SPATA13: variants seen among roughly 807,000 people sequenced by gnomAD.
The protein encoded by SPATA13 is spermatogenesis-associated protein 13.
In SPATA13, 50 loss-of-function variants were observed where a neutral mutation model predicts 104.0. That is an observed-to-expected ratio of 0.48 (90% CI 0.38 to 0.61). The LOEUF (loss-of-function observed/expected upper bound fraction) is 0.61. Ranked by LOEUF, SPATA13 falls within the 20% of genes least tolerant of loss-of-function variation. The pLI, the probability that SPATA13 is intolerant of heterozygous loss-of-function variation, is 0.00. For missense variants in SPATA13, 1,524 were observed against 1,690.6 expected (o/e 0.90, Z 1.73); for synonymous variants, 606 against 667.5 (o/e 0.91, Z 1.42).
At chr13:24,296,398 A>G (rs1371878723) in intron 10 of SPATA13, among the ~76,000 whole-genome samples, 1 of 152,260 alleles carries the variant, frequency 6.6e-6, no homozygotes, top group Non-Finnish European at 1.5e-5. Context: ...CAAATACCAT[A>G]AAGTAACATT....
chr13:24,281,517 C>T (rs1304277001), intron 4 of SPATA13, among the ~76,000 whole-genome samples: 4 of 152,224 alleles, frequency 2.6e-5, no homozygotes, highest in African/African-American at 9.6e-5. Flanking sequence ...GGCTGGGGCA[C>T]AGGTGCGGAC....
intron 1 of SPATA13, among the ~76,000 whole-genome samples, chr13:24,216,547 G>A (rs899922324): frequency 2.9e-4 from 44 of 152,270 alleles, no homozygotes; most frequent in Middle Eastern, 6.8e-3. Flanking sequence ...CTTAAGTGAC[G>A]CCAGAGCTAC....
chr13:24,255,877 C>A lies in SPATA13; in HGVS notation c.2164+4015C>A, dbSNP rs543117996. ...GCTGTAAAAGCATCATTTTGAGACACGTTGGGGAGATTTTCAGATGAACTG... is the reference window on the plus strand; with the variant it reads ...GCTGTAAAAGCATCATTTTGAGACAAGTTGGGGAGATTTTCAGATGAACTG... On this transcript the variant is annotated intron_variant, in intron 4 of 12. Transcript: ENST00000382108. Among the ~76,000 whole-genome samples the A allele has an allele frequency of 2.0e-5, 3 of 152,300 alleles. No homozygotes were observed. The South Asian group carries it at 6.2e-4, about 32-fold the overall frequency.
In SPATA13 at chr13:24,213,244, C is replaced by T. The variant is rs375533406; in HGVS notation, c.-111-9575C>T. ...GATGCCAGAGACACAGTACCCACTT[C>T]GGAACACTGCAAAGGGTCTTTTTTT... On this transcript the variant is annotated intron_variant, in intron 1 of 12. Transcript: ENST00000382108. Among the ~76,000 whole-genome samples, 6 of 152,166 alleles carry T rather than the reference C, an allele frequency of 3.9e-5. No individual in the cohort carries two copies. In the South Asian group the frequency reaches 8.3e-4, roughly 21 times the overall value.
At chr13:24,023,123 T>C (rs1877059946) in intron 3 of SPATA13, among the ~76,000 whole-genome samples, 2 of 152,080 alleles carry the variant, frequency 1.3e-5, no homozygotes, top group Admixed American at 6.5e-5. Flanking sequence ...CTGTGTGTTA[T>C]GTTCCCCAGC....
chr13:24,102,081 A>AT (rs1880274443), intron 3 of SPATA13, among the ~76,000 whole-genome samples: 1 of 152,140 alleles, frequency 6.6e-6, no homozygotes. Context: ...CAGCTGCACC[A>AT]TTTTACATTC....
intron 2 of SPATA13, among the ~76,000 whole-genome samples, chr13:24,239,822 G>C (rs1471067056): frequency 6.6e-6 from 1 of 150,596 alleles, no homozygotes; most frequent in Non-Finnish European, 1.5e-5. Context: ...AAAGAGGAAA[G>C]TAAGTTCATT....
At chr13:24,085,366 A>G (rs2137783567) in intron 3 of SPATA13, among the ~76,000 whole-genome samples, 1 of 152,264 alleles carries the variant, frequency 6.6e-6, no homozygotes, top group Middle Eastern at 3.4e-3. Context: ...ACTTCAGGTG[A>G]TCCGCCCACC....
chr13:24,125,443 G>T (rs2137829048), intron 3 of SPATA13, among the ~76,000 whole-genome samples: 1 of 152,236 alleles, frequency 6.6e-6, no homozygotes, highest in South Asian at 2.1e-4. Flanking sequence ...GGTATGTACT[G>T]CAGGTTTCTC....
chr13:24,230,773 A>G (rs1872219041), intron 2 of SPATA13, among the ~76,000 whole-genome samples: 2 of 152,058 alleles, frequency 1.3e-5, no homozygotes, highest in South Asian at 4.1e-4. Flanking sequence ...GGCTGGGTGG[A>G]GAGGAGGGAG....
At chr13:24,140,214 T>G (rs1881716593) in intron 3 of SPATA13, among the ~76,000 whole-genome samples, 1 of 152,234 alleles carries the variant, frequency 6.6e-6, no homozygotes. Flanking sequence ...TGTTTATAAA[T>G]GCAAGCCTAG....
intron 3 of SPATA13, among the ~76,000 whole-genome samples, chr13:24,142,672 T>TTCTTCCTCTTCC (rs542586258): frequency 7.2e-5 from 11 of 152,266 alleles, no homozygotes; most frequent in Middle Eastern, 3.4e-3. Flanking sequence ...TTCCTCATCC[T>TTCTTCCTCTTCC]TCTTCCTCTT....
chr13:23,986,870 G>A (rs1480839111), intron 2 of SPATA13, among the ~76,000 whole-genome samples: 1 of 152,078 alleles, frequency 6.6e-6, no homozygotes, highest in East Asian at 1.9e-4. Context: ...TCCTCAGATT[G>A]GAAACATCAT....
At chr13:24,192,234 T>TC (rs2138553166) in intron 1 of SPATA13, among the ~76,000 whole-genome samples, 1 of 152,032 alleles carries the variant, frequency 6.6e-6, no homozygotes, top group African/African-American at 2.4e-5. Flanking sequence ...GGGACCCCCC[T>TC]CCCCCCACAC....
intron 2 of SPATA13, among the ~76,000 whole-genome samples, chr13:24,243,974 G>T (rs1872981932): frequency 1.3e-5 from 2 of 152,348 alleles, no homozygotes; most frequent in East Asian, 3.9e-4. Flanking sequence ...GCTTAAAACA[G>T]TGGACATCTG....
intron 1 of SPATA13, among the ~76,000 whole-genome samples, chr13:24,183,605 ATT>A (rs58865453): frequency 0.42 from 61,548 of 147,874 alleles, 13,532 homozygotes; most frequent in Non-Finnish European, 0.5. Context: ...ATTTCTTTAC[ATT>A]TTTTTTTTTT....
intron 4 of SPATA13, among the ~76,000 whole-genome samples, chr13:24,283,435 A>G (rs1875695426): frequency 6.6e-6 from 1 of 152,228 alleles, no homozygotes; most frequent in Non-Finnish European, 1.5e-5. Context: ...GCACAGGAGG[A>G]CTGAGGCCAT....
intron 2 of SPATA13, among the ~76,000 whole-genome samples, chr13:23,999,368 C>CAAAAAAAAAAAAAAAAAAAAAAAAAAA (rs34668799): frequency 1.1e-5 from 1 of 94,364 alleles, no homozygotes; most frequent in Non-Finnish European, 2.1e-5. Context: ...CATTTTCTAC[C>CAAAAAAAAAAAAAAAAAAAAAAAAAAA]AAAAAAAAAA....
chr13:24,253,094 C>T (rs922063087), intron 4 of SPATA13: 1 of 152,112 alleles, frequency 6.6e-6, no homozygotes, highest in Admixed American at 6.6e-5. Flanking sequence ...GGTTCAGGTC[C>T]CAGGATGGAA....
Sources: gnomAD v4.1 joint callset for allele counts (sites outside exome capture counted in the v4.1 genomes callset) on GRCh38, gnomAD v4.1.1 for gene constraint, MANE v1.5 for transcripts, NCBI Gene and HGNC (gene_info 2026-07-23, HGNC 2026-07-21) for gene names.